Variants in SLC2A9 observed in about 807,000 individuals in gnomAD.
SLC2A9 encodes the protein solute carrier family 2 member 9.
SLC2A9 carries 39 observed loss-of-function variants against 50.6 expected under a neutral mutation model. That is an observed-to-expected ratio of 0.77 (90% CI 0.60 to 1.01). The LOEUF (loss-of-function observed/expected upper bound fraction) is 1.01, where lower values mean the gene tolerates loss of function less well. SLC2A9 is among the 50% of genes least tolerant of loss of function. The pLI is 0.00. For missense variants in SLC2A9, 686 were observed against 677.6 expected, an observed-to-expected ratio of 1.01 and a Z score of -0.14; for synonymous variants, 324 against 276.9, an observed-to-expected ratio of 1.17 and a Z score of -1.69.
intron 8 of SLC2A9, among the ~76,000 whole-genome samples, chr4:9,907,195 CTG>C (rs1740838463): frequency 1.3e-5 from 2 of 151,738 alleles, no homozygotes; most frequent in South Asian, 2.1e-4. Context: ...GGGAGCCTAA[CTG>C]TGTGCTGTGT....
chr4:9,809,852 CT>C (rs367720738), intron 3 of SLC2A9, among the ~76,000 whole-genome samples: 1,680 of 139,732 alleles, frequency 0.012, 10 homozygotes, highest in African/African-American at 0.021. Flanking sequence ...GTTTTCTTTT[CT>C]TTTTTTTTTT....
intron 10 of SLC2A9, among the ~76,000 whole-genome samples, chr4:9,839,298 C>G (rs1727621444): frequency 6.6e-6 from 1 of 152,150 alleles, no homozygotes; most frequent in Admixed American, 6.5e-5. Context: ...CATCTCACAA[C>G]AGTCATAATG....
chr4:9,793,976 G>C (rs1426940016), intron 3 of SLC2A9, among the ~76,000 whole-genome samples: 2 of 152,182 alleles, frequency 1.3e-5, no homozygotes, highest in Admixed American at 1.3e-4. Flanking sequence ...TTGGGTATGA[G>C]TCCCAGTTGT....
chr4:9,913,328 TGTGA>T (rs757682692), intron 7 of SLC2A9, among the ~76,000 whole-genome samples: 36,582 of 135,680 alleles, frequency 0.27, 4,418 homozygotes, highest in Admixed American at 0.37. Context: ...TGTGTGTGTG[TGTGA>T]GAGAGAGAGA....
At chr4:10,036,456 A>G (rs1421505523) in intron 1 of SLC2A9, among the ~76,000 whole-genome samples, 2 of 152,246 alleles carry the variant, frequency 1.3e-5, no homozygotes, top group Non-Finnish European at 2.9e-5. Context: ...GCTCTTCCAT[A>G]ACATTGTGGC....
In SLC2A9 at chr4:10,019,686, A is replaced by G. The variant is rs1277479565; in HGVS notation, c.151-613T>C. 2.0e-5 allele frequency among the ~76,000 whole-genome samples: 3 copies of G among 152,250 alleles called. No individual in the cohort carries two copies. In the East Asian group the frequency reaches 5.8e-4, roughly 29 times the overall value. On this transcript the variant is annotated intron_variant, in intron 1 of 11. Transcript: ENST00000264784. Reference sequence around the variant, plus strand: ...GGCCTGAGACTGCCGACAGCCAGACAGATGTGCACACACGCTTACATGCAC... The same window carrying G: ...GGCCTGAGACTGCCGACAGCCAGACGGATGTGCACACACGCTTACATGCAC...
intron 10 of SLC2A9, among the ~76,000 whole-genome samples, chr4:9,843,719 T>C (rs183098281): frequency 1.6e-4 from 24 of 152,250 alleles, no homozygotes; most frequent in African/African-American, 5.5e-4. Flanking sequence ...AGAATACACA[T>C]TGAATTGTGT....
At chr4:9,985,511 A>G (rs1338469479) in intron 4 of SLC2A9, among the ~76,000 whole-genome samples, 158 bp downstream of exon 4, 1 of 152,134 alleles carries the variant, frequency 6.6e-6, no homozygotes, top group East Asian at 1.9e-4. Flanking sequence ...ATCCCACAGG[A>G]CTGTCCCACT....
At chr4:9,865,436 T>C (rs1732292594) in intron 10 of SLC2A9, among the ~76,000 whole-genome samples, 1 of 152,228 alleles carries the variant, frequency 6.6e-6, no homozygotes, top group African/African-American at 2.4e-5. Context: ...AAAACAAATT[T>C]GTATGAGACC....
At chr4:9,957,799 A>G (rs1247929107) in intron 5 of SLC2A9, among the ~76,000 whole-genome samples, 1 of 152,222 alleles carries the variant, frequency 6.6e-6, no homozygotes, top group Non-Finnish European at 1.5e-5. Context: ...ACTAAAATCA[A>G]ACTTAGAAGA....
intron 2 of SLC2A9, among the ~76,000 whole-genome samples, chr4:10,011,410 G>A (rs150801424): frequency 5.9e-5 from 9 of 152,268 alleles, no homozygotes; most frequent in Admixed American, 1.3e-4. Flanking sequence ...GTGCTCACAG[G>A]TACCAAGAGG....
intron 9 of SLC2A9, 81 bp from the exon 10 acceptor site, chr4:9,887,723 C>T: frequency 8.5e-7 from 1 of 1,182,466 alleles, no homozygotes; most frequent in African/African-American, 1.6e-5. Flanking sequence ...GCTCCTCCTC[C>T]ATCCATCTGT....
chr4:9,996,729 A>G (rs916936245), intron 3 of SLC2A9, 52 bp downstream of exon 3: 1 of 1,601,602 alleles, frequency 6.2e-7, no homozygotes, highest in Admixed American at 1.7e-5. Context: ...AATGACACAG[A>G]TATATTATGA....
intron 7 of SLC2A9, among the ~76,000 whole-genome samples, chr4:9,911,474 T>C (rs1741775910): frequency 6.6e-6 from 1 of 152,122 alleles, no homozygotes; most frequent in South Asian, 2.1e-4. Flanking sequence ...TCAGGAAACT[T>C]AAGAGTGCAT....
chr4:9,961,899 G>C (rs1352975048), intron 5 of SLC2A9, among the ~76,000 whole-genome samples: 1 of 152,066 alleles, frequency 6.6e-6, no homozygotes, highest in African/African-American at 2.4e-5. Context: ...TTAAAAAGTG[G>C]GCAAAGGACA....
intron 4 of SLC2A9, among the ~76,000 whole-genome samples, chr4:9,984,260 C>T (rs11930388): frequency 0.22 from 33,250 of 152,042 alleles, 4,041 homozygotes; most frequent in African/African-American, 0.3. Flanking sequence ...TCCAGGCCCC[C>T]ACTCTCCTGC....
intron 10 of SLC2A9, among the ~76,000 whole-genome samples, chr4:9,862,145 A>G (rs558106302): frequency 6.6e-6 from 1 of 150,752 alleles, no homozygotes; most frequent in East Asian, 1.9e-4. Flanking sequence ...ATAGATTTAC[A>G]AAGACAAGAG....
At chr4:9,802,772 G>A (rs887737222) in intron 3 of SLC2A9, among the ~76,000 whole-genome samples, 3 of 151,906 alleles carry the variant, frequency 2.0e-5, no homozygotes, top group East Asian at 1.9e-4. Context: ...CATGTTGGCC[G>A]GGCTGGTCTC....
intron 2 of SLC2A9, among the ~76,000 whole-genome samples, chr4:10,012,040 C>T (rs1761849470): frequency 6.6e-6 from 1 of 152,224 alleles, no homozygotes; most frequent in African/African-American, 2.4e-5. Flanking sequence ...ATACCCTCAC[C>T]CATTCATTTA....
Sources: gnomAD v4.1 joint callset for allele counts (sites outside exome capture counted in the v4.1 genomes callset) on GRCh38, gnomAD v4.1.1 for gene constraint, MANE v1.5 for transcripts, NCBI Gene and HGNC (gene_info 2026-07-23, HGNC 2026-07-21) for gene names.